Variants in ACRBP observed in about 807,000 individuals in gnomAD.
ACRBP encodes acrosin-binding protein.
In ACRBP, 52 loss-of-function variants were observed where a neutral mutation model predicts 69.0. The observed-to-expected ratio is 0.75, with a 90% CI of 0.60 to 0.95. The LOEUF is 0.95. Ranked by LOEUF, ACRBP falls within the 40% of genes least tolerant of loss-of-function variation. The probability of loss-of-function intolerance (pLI) is 0.00; values close to 1 mark genes in which losing one functional copy is unlikely to be tolerated. For missense variants in ACRBP, 604 were observed against 673.0 expected, an observed-to-expected ratio of 0.90 and a Z score of 1.13; for synonymous variants, 267 against 258.9, an observed-to-expected ratio of 1.03 and a Z score of -0.30.
rs2136250991 is a variant in ACRBP, at chr12:6,644,490, C to G, written c.591G>C (p.Gln197His). 6.2e-7 allele frequency: 1 copy of G among 1,614,044 alleles called. No individual in the cohort carries two copies. The highest frequency in any genetic ancestry group is 2.2e-5 in the East Asian group (1 of 44,846). ...CCTGCCTGTGCTCCACTCCTTGCTC[C>G]TGCTTGTGCTCTGGCGCTTGCTCCT... ...GGQEQAPEHKQEQGVEHRQEP... is the reference protein window; with the variant it reads ...GGQEQAPEHKHEQGVEHRQEP... Residue 197 changes from glutamine (Q) to histidine (H), a missense_variant, in exon 5 of 10, where the codon CAG (glutamine) becomes CAC (histidine). Physicochemically the swap from Gln to His is conservative, Grantham distance 24. Around this residue, in one of 3 missense-constraint regions of ACRBP, gnomAD observed 532 missense variants for 562.9 expected, o/e 0.95. Transcript: ENST00000229243.
chr12:6,638,133 C>T lies in ACRBP; in HGVS notation c.*149G>A. On this transcript the variant is annotated 3_prime_UTR_variant, in exon 10 of 10. Transcript: ENST00000229243. ...AAGGAGGGCGCAGCTCCCACCGTGGCCCTCTCTGGGACTGTTGCTCCAACC... is the reference window on the plus strand; with the variant it reads ...AAGGAGGGCGCAGCTCCCACCGTGGTCCTCTCTGGGACTGTTGCTCCAACC... 5.4e-6 allele frequency: 6 copies of T among 1,109,522 alleles called. No homozygotes were observed. The highest frequency in any genetic ancestry group is 7.8e-6 in the Non-Finnish European group (6 of 773,458). The allele number at this position is 1,109,522 out of a possible 1,614,324, so 68.7% of individuals were successfully genotyped here. A position where few individuals can be genotyped will look rare whatever the true frequency, so the allele number is the denominator to read the frequency against.
chr12:6,644,429 T>G lies in ACRBP; in HGVS notation c.652A>C (p.Lys218Gln). ...TQEHKQEEGQ[K>Q]QEEQEEEQEE... ...TGTTCCTCTTCTTGCTCTTCCTGTT[T>G]CTGCCCCTCTTCCTGCTTGTGTTCT... The change falls in exon 5 of 10, where the codon AAA (lysine) becomes CAA (glutamine). Residue 218 changes from lysine to glutamine, a missense_variant. Lys to Gln is a moderately conservative substitution (Grantham distance 53). Around this residue, in one of 3 missense-constraint regions of ACRBP, gnomAD observed 532 missense variants for 562.9 expected, o/e 0.95. Coordinates refer to ENST00000229243, the MANE Select transcript of ACRBP (RefSeq NM_032489.3). 1 of 1,614,128 alleles carries G rather than the reference T, an allele frequency of 6.2e-7. No homozygotes were observed. The highest frequency in any genetic ancestry group is 1.1e-5 in the South Asian group (1 of 91,078).
At chr12:6,647,063 C>G in intron 1 of ACRBP, 51 bp from the exon 2 acceptor site, 1 of 1,542,634 alleles carries the variant, frequency 6.5e-7, no homozygotes, top group Non-Finnish European at 8.9e-7. Context: ...AAAACCCGCT[C>G]CGAGACCAGG....
At chr12:6,646,708 C>T (rs927024421) in intron 2 of ACRBP, 86 bp downstream of exon 2, 65 of 1,551,438 alleles carry the variant, frequency 4.2e-5, no homozygotes, top group Non-Finnish European at 5.2e-5. Flanking sequence ...TGCCCTTCCC[C>T]GCCTCACATG....
intron 3 of ACRBP, among the ~76,000 whole-genome samples, chr12:6,645,956 G>A (rs1371389105): frequency 1.3e-5 from 2 of 148,400 alleles, no homozygotes; most frequent in Admixed American, 6.8e-5. Context: ...CACCGCACTC[G>A]TCCCTGTTGT....
At chr12:6,646,354 ATGAC>A (rs1184744669) in intron 3 of ACRBP, 125 bp downstream of exon 3, 7 of 794,528 alleles carry the variant, frequency 8.8e-6, no homozygotes, top group Non-Finnish European at 1.3e-5. Context: ...ATCTGGGTAA[ATGAC>A]TGGCAAAATG....
In ACRBP at chr12:6,643,662, C is replaced by T. The variant is rs147022968; in HGVS notation, c.954G>A (p.Gln318=). The T allele has an allele frequency of 3.6e-5, 58 of 1,613,948 alleles. No homozygotes were observed. In the African/African-American group the frequency reaches 6.7e-4, roughly 19 times the overall value. The stretch of plus-strand genomic sequence containing the variant: ...CCAGCAAGGCCTCTGTGTGGGGCAG[C>T]TGCAGGAGGCTGCAAGAAGACAGCA... ...WRNQNPGSLL[Q]LPHTEALLVL... is the part of the protein sequence containing the mutation. The change falls in exon 6 of 10, where the codon CAG becomes CAA. Residue 318 remains glutamine (Q), a synonymous_variant. Transcript: ENST00000229243.
Position 6,640,177 on chromosome 12 carries a change from C to T in ACRBP, c.1308G>A (p.Gly436=). 6.2e-7 allele frequency: 1 copy of T among 1,614,160 alleles called. No homozygotes were observed. Among genetic ancestry groups the T allele is most frequent in the Non-Finnish European group, 8.5e-7 (1 of 1,180,024 alleles). Residue 436 remains glycine, a synonymous_variant, in exon 8 of 10, where the codon GGG becomes GGA. Coordinates refer to ENST00000229243, the MANE Select transcript of ACRBP (RefSeq NM_032489.3). The surrounding 1 kb of genome is among the most constrained non-coding windows in gnomAD (Gnocchi z 5.3). The part of the protein sequence containing the change: ...GRFYGLDLYG[G]LHMDFWCARL... ...GGGCACACCAGAAGTCCATGTGGAG[C>T]CCACCGTACAAATCCAGCCCGTAAA...
intron 1 of ACRBP, 37 bp downstream of exon 1, chr12:6,647,287 C>T (rs975733628): frequency 1.3e-6 from 2 of 1,539,766 alleles, no homozygotes; most frequent in South Asian, 1.2e-5. Flanking sequence ...AGGACTAGCC[C>T]GGGGAGAGTC....
Position 6,647,405 on chromosome 12 carries a change from C to A in ACRBP, c.-39G>T, listed in dbSNP as rs777321177. ...CCGCCCGCGTCCCGTGGACACAAGCCGCCTCTAACGGGCCAAGCCGCAGAG... is the reference window on the plus strand; with the variant it reads ...CCGCCCGCGTCCCGTGGACACAAGCAGCCTCTAACGGGCCAAGCCGCAGAG... On this transcript the variant is annotated 5_prime_UTR_variant, in exon 1 of 10. Transcript: ENST00000229243. 8.7e-6 allele frequency: 13 copies of A among 1,497,134 alleles called. No individual in the cohort carries two copies. The highest frequency in any genetic ancestry group is 1.4e-5 in the African/African-American group (1 of 70,312). The allele number at this position is 1,497,134 out of a possible 1,614,324, so 92.7% of individuals were successfully genotyped here. A position where few individuals can be genotyped will look rare whatever the true frequency, so the allele number is the denominator to read the frequency against.
In ACRBP at chr12:6,638,245, C is replaced by T. The variant is rs1306418677; in HGVS notation, c.*37G>A. ...GTCTCAAAACAATAGAGAACGTGGG[C>T]AGGTTGGGCTGGGGTGTGGGCAGAA... On this transcript the variant is annotated 3_prime_UTR_variant, in exon 10 of 10. Coordinates refer to ENST00000229243, the MANE Select transcript of ACRBP (RefSeq NM_032489.3). 34 of 1,607,716 alleles carry T rather than the reference C, an allele frequency of 2.1e-5. No individual in the cohort carries two copies. Among genetic ancestry groups the T allele is most frequent in the Non-Finnish European group, 2.5e-5 (29 of 1,175,480 alleles).
chr12:6,638,501 G>A, intron 9 of ACRBP, 97 bp from the exon 10 acceptor site: 2 of 1,507,378 alleles, frequency 1.3e-6, no homozygotes, highest in Non-Finnish European at 9.1e-7. Context: ...AACGAGAGGT[G>A]GGCAGGCATG....
In ACRBP at chr12:6,646,966, C is replaced by G. The variant is rs764402003; in HGVS notation, c.90G>C (p.Gln30His). 5 of 1,612,932 alleles carry G rather than the reference C, an allele frequency of 3.1e-6. No individual in the cohort carries two copies. Among genetic ancestry groups the G allele is most frequent in the African/African-American group, 2.7e-5 (2 of 75,032 alleles). Residue 30 changes from glutamine (Q) to histidine (H), a missense_variant, in exon 2 of 10, where the codon CAG becomes CAC. Gln to His is a conservative substitution (Grantham distance 24, BLOSUM62 0). This residue lies in a region of ACRBP where 532 missense variants were observed against 562.9 expected (regional missense o/e 0.95). Coordinates refer to ENST00000229243, the MANE Select transcript of ACRBP (RefSeq NM_032489.3). Reference sequence around the variant, plus strand: ...AGAGAGGGCTGCCTGGAGTGGAGGCCTGAGTCGAATCCTGGGCTGCGGCAG... The same window carrying G: ...AGAGAGGGCTGCCTGGAGTGGAGGCGTGAGTCGAATCCTGGGCTGCGGCAG... The part of the protein sequence containing the change: ...LAPAAAQDST[Q>H]ASTPGSPLSP...
chr12:6,646,702 C>T lies in ACRBP; in HGVS notation c.262+92G>A, dbSNP rs979836518. On this transcript the variant is annotated intron_variant, in intron 2 of 9. Transcript: ENST00000229243. ...CTCATGGTGTGGTGCCAGCCATGCC[C>T]TTCCCCGCCTCACATGAGCACAGGG... The T allele has an allele frequency of 3.2e-6, 5 of 1,542,896 alleles. No homozygotes were observed. In the African/African-American group the frequency reaches 6.8e-5, roughly 21 times the overall value.
In ACRBP at chr12:6,647,392, C is replaced by G. The variant is rs373155152; in HGVS notation, c.-26G>C. 3.0e-5 allele frequency: 45 copies of G among 1,509,580 alleles called. No individual in the cohort carries two copies. The highest frequency in any genetic ancestry group is 1.7e-4 in the Admixed American group (7 of 41,168). 93.5% of individuals were successfully genotyped at this position (1,509,580 alleles called of 1,614,324 possible). A position where few individuals can be genotyped will look rare whatever the true frequency, so the allele number is the denominator to read the frequency against. The stretch of plus-strand genomic sequence containing the variant: ...GGCCGGAGAAGATCCGCCCGCGTCC[C>G]GTGGACACAAGCCGCCTCTAACGGG... On this transcript the variant is annotated 5_prime_UTR_variant, in exon 1 of 10. Transcript: ENST00000229243.
At chr12:6,643,030 T>C (rs565726299) in intron 6 of ACRBP, among the ~76,000 whole-genome samples, 4 of 152,028 alleles carry the variant, frequency 2.6e-5, no homozygotes, top group South Asian at 4.2e-4. Flanking sequence ...GGCAGGAGGA[T>C]TGGTTGAGCC....
intron 8 of ACRBP, among the ~76,000 whole-genome samples, 186 bp downstream of exon 8, chr12:6,639,874 C>G (rs953005879): frequency 6.6e-6 from 1 of 152,116 alleles, no homozygotes; most frequent in Non-Finnish European, 1.5e-5. Flanking sequence ...TTTGCCTGCT[C>G]TATTGGTGGA....
At position 6,644,244 on chromosome 12, in the gene ACRBP, A is replaced by T. The variant is rs756507200; in HGVS notation, c.837T>A (p.Pro279=). 12 of 1,614,004 alleles carry T rather than the reference A, an allele frequency of 7.4e-6. No individual in the cohort carries two copies. Among genetic ancestry groups the T allele is most frequent in the Admixed American group, 5.0e-5 (3 of 59,986 alleles). The part of the protein sequence containing the change: ...APRVREVEST[P]MIMENIQELI... ...GCTCCTGGATGTTCTCCATTATCATAGGAGTAGACTCTACTTCTCGTACCC... is the reference window on the plus strand; with the variant it reads ...GCTCCTGGATGTTCTCCATTATCATTGGAGTAGACTCTACTTCTCGTACCC... The change falls in exon 5 of 10, where the codon CCT becomes CCA. Residue 279 remains proline, a synonymous_variant. Coordinates refer to ENST00000229243, the MANE Select transcript of ACRBP (RefSeq NM_032489.3).
chr12:6,638,504 C>G, intron 9 of ACRBP, 100 bp from the exon 10 acceptor site: 2 of 1,513,742 alleles, frequency 1.3e-6, no homozygotes, highest in Non-Finnish European at 1.8e-6. Flanking sequence ...GAGAGGTGGG[C>G]AGGCATGGGC....
Sources: allele counts gnomAD v4.1 joint callset (sites outside exome capture counted in the v4.1 genomes callset), GRCh38; gene constraint gnomAD v4.1.1; regional missense constraint gnomAD v4.1.1; non-coding constraint Gnocchi (gnomAD v3.1); transcripts MANE v1.5; gene names NCBI Gene and HGNC (gene_info 2026-07-23, HGNC 2026-07-21).